Variants in SYN3 observed in about 807,000 individuals in gnomAD.
SYN3 encodes synapsin III.
SYN3 carries 35 observed loss-of-function variants against 65.8 expected under a neutral mutation model. The observed-to-expected ratio is 0.53, with a 90% confidence interval of 0.41 to 0.70. SYN3 has a LOEUF of 0.70. Among genes scored for constraint, SYN3 ranks in the 30% least tolerant of loss-of-function variants. The pLI is 0.00. For missense variants in SYN3, 680 were observed against 749.0 expected, an observed-to-expected ratio of 0.91 and a Z score of 1.08; for synonymous variants, 270 against 292.9, an observed-to-expected ratio of 0.92 and a Z score of 0.80.
intron 4 of SYN3, among the ~76,000 whole-genome samples, chr22:32,884,986 C>G (rs2049250377): frequency 6.6e-6 from 1 of 152,122 alleles, no homozygotes; most frequent in African/African-American, 2.4e-5. Context: ...AACCAGTTCC[C>G]TACAGATGGA....
intron 6 of SYN3, among the ~76,000 whole-genome samples, chr22:32,729,011 C>T (rs528536485): frequency 2.6e-5 from 4 of 152,256 alleles, no homozygotes; most frequent in Non-Finnish European, 4.4e-5. Flanking sequence ...GCCCAGGATA[C>T]GTGGGGTGGG....
At chr22:32,920,637 G>T (rs1272885073) in intron 4 of SYN3, among the ~76,000 whole-genome samples, 1 of 152,140 alleles carries the variant, frequency 6.6e-6, no homozygotes, top group Non-Finnish European at 1.5e-5. Context: ...TGTAAGCAGG[G>T]ACCTGGTCTA....
chr22:32,568,422 A>G (rs1012902238), intron 7 of SYN3, among the ~76,000 whole-genome samples: 2 of 152,224 alleles, frequency 1.3e-5, no homozygotes, highest in African/African-American at 4.8e-5. Context: ...GGAAATGGAA[A>G]ACAAATAAGC....
intron 13 of SYN3, among the ~76,000 whole-genome samples, chr22:32,515,690 C>A (rs1339778030): frequency 6.6e-6 from 1 of 152,150 alleles, no homozygotes; most frequent in African/African-American, 2.4e-5. Flanking sequence ...TTTGTAAGAT[C>A]AAACCAAGTT....
chr22:32,589,147 A>G (rs1174925078), intron 7 of SYN3, among the ~76,000 whole-genome samples: 5 of 152,196 alleles, frequency 3.3e-5, no homozygotes, highest in South Asian at 2.1e-4. Context: ...TGCTGACTCA[A>G]TAAAGCTGTT....
intron 7 of SYN3, among the ~76,000 whole-genome samples, chr22:32,576,621 T>A (rs2058854816): frequency 6.6e-6 from 1 of 152,222 alleles, no homozygotes; most frequent in African/African-American, 2.4e-5. Context: ...CGTGATAATC[T>A]TGAGTTCTTT....
intron 4 of SYN3, among the ~76,000 whole-genome samples, chr22:32,909,921 C>T (rs1045555409): frequency 3.9e-5 from 6 of 152,068 alleles, no homozygotes; most frequent in African/African-American, 1.2e-4. Context: ...CCTAGTCAGA[C>T]GCACATACAA....
chr22:32,526,825 AG>A (rs971060975), intron 12 of SYN3, among the ~76,000 whole-genome samples: 9 of 152,120 alleles, frequency 5.9e-5, no homozygotes, highest in Non-Finnish European at 8.8e-5. Flanking sequence ...GGCCTCTGAT[AG>A]GTTTTTAAGA....
intron 6 of SYN3, among the ~76,000 whole-genome samples, chr22:32,802,679 C>G (rs957144373): frequency 6.6e-6 from 1 of 152,078 alleles, no homozygotes; most frequent in African/African-American, 2.4e-5. Flanking sequence ...TCTGGGACTG[C>G]CAAGTTTGGG....
intron 3 of SYN3, among the ~76,000 whole-genome samples, chr22:32,941,572 A>T (rs1211752046): frequency 1.3e-5 from 2 of 150,686 alleles, no homozygotes; most frequent in African/African-American, 2.4e-5. Context: ...TACCAGGTTC[A>T]TCTCACTGGG....
At chr22:32,903,470 C>G (rs980634167) in intron 4 of SYN3, among the ~76,000 whole-genome samples, 2 of 152,294 alleles carry the variant, frequency 1.3e-5, no homozygotes, top group East Asian at 1.9e-4. Flanking sequence ...GACAACTGTT[C>G]TGGGGCCTTT....
chr22:32,879,446 G>A (rs2049068072), intron 4 of SYN3, among the ~76,000 whole-genome samples: 1 of 152,226 alleles, frequency 6.6e-6, no homozygotes, highest in African/African-American at 2.4e-5. Flanking sequence ...GGCATCAGCT[G>A]ATGTGATGCT....
chr22:32,957,252 A>C (rs2051494267), intron 3 of SYN3, among the ~76,000 whole-genome samples: 1 of 152,208 alleles, frequency 6.6e-6, no homozygotes, highest in African/African-American at 2.4e-5. Context: ...GGGTTAAGTA[A>C]ACGCAAACAT....
intron 4 of SYN3, among the ~76,000 whole-genome samples, chr22:32,902,452 T>A (rs944385257): frequency 6.6e-6 from 1 of 152,172 alleles, no homozygotes. Flanking sequence ...ACCTCCAAGG[T>A]CTGAAGATAG....
intron 7 of SYN3, among the ~76,000 whole-genome samples, chr22:32,553,555 T>C (rs2058447153): frequency 6.6e-6 from 1 of 152,214 alleles, no homozygotes; most frequent in African/African-American, 2.4e-5. Context: ...AAGACAAAGT[T>C]GCTATTTCCC....
intron 3 of SYN3, among the ~76,000 whole-genome samples, chr22:32,957,084 T>C (rs1309788582): frequency 2.0e-5 from 3 of 152,176 alleles, no homozygotes; most frequent in African/African-American, 4.8e-5. Flanking sequence ...ACTTTGGCTA[T>C]GGCTTGGAGT....
At chr22:32,730,356 G>C (rs752032978) in intron 6 of SYN3, among the ~76,000 whole-genome samples, 1 of 152,166 alleles carries the variant, frequency 6.6e-6, no homozygotes, top group Non-Finnish European at 1.5e-5. Flanking sequence ...CAGCCACCTG[G>C]GTAAGCTCTG....
intron 2 of SYN3, among the ~76,000 whole-genome samples, chr22:32,985,211 T>C (rs1175488457): frequency 6.6e-6 from 1 of 152,174 alleles, no homozygotes; most frequent in Non-Finnish European, 1.5e-5. Context: ...TGAGAATAGT[T>C]CCTGGCACAC....
chr22:32,830,660 A>AC (rs149734784), intron 6 of SYN3, among the ~76,000 whole-genome samples: 1,670 of 151,146 alleles, frequency 0.011, 29 homozygotes, highest in African/African-American at 0.038. Context: ...CCACAGGGCC[A>AC]CCCCCCCGCC....
Sources: allele counts gnomAD v4.1 joint callset (sites outside exome capture counted in the v4.1 genomes callset), GRCh38; gene constraint gnomAD v4.1.1; transcripts MANE v1.5; gene names NCBI Gene and HGNC (gene_info 2026-07-23, HGNC 2026-07-21).